The following MTMR7 variants were observed in gnomAD, a reference collection of about 807,000 sequenced individuals.
MTMR7 encodes the protein phosphatidylinositol-3-phosphate phosphatase MTMR7.
MTMR7 carries 76 observed loss-of-function variants against 81.2 expected under a neutral mutation model. The observed-to-expected ratio is 0.94, with a 90% CI of 0.78 to 1.13. The LOEUF is 1.13. Among genes scored for constraint, MTMR7 ranks in the 50% most tolerant of loss-of-function variants. The pLI, the probability that MTMR7 is intolerant of heterozygous loss-of-function variation, is 0.00. For missense variants in MTMR7, 1,044 were observed against 820.0 expected (o/e 1.27, Z -3.34); for synonymous variants, 372 against 289.8 (o/e 1.28, Z -2.88).
At chr8:17,302,043 A>C in intron 13 of MTMR7, 111 bp downstream of exon 13, 1 of 1,430,602 alleles carries the variant, frequency 7.0e-7, no homozygotes, top group Non-Finnish European at 9.6e-7. Context: ...TGTTCTACTG[A>C]CTAAAAATGT....
At chr8:17,338,742 T>C (rs2150539618) in intron 6 of MTMR7, 1 of 147,428 alleles carries the variant, frequency 6.8e-6, no homozygotes, top group African/African-American at 2.5e-5. Context: ...TTTTTTTTTT[T>C]CAGTTTGAAA....
intron 7 of MTMR7, among the ~76,000 whole-genome samples, chr8:17,319,253 G>C (rs947463445): frequency 6.6e-6 from 1 of 152,130 alleles, no homozygotes; most frequent in Non-Finnish European, 1.5e-5. Flanking sequence ...AATATAAAAT[G>C]GGGATAAAAA....
chr8:17,389,179 C>T (rs1821032896), intron 1 of MTMR7, among the ~76,000 whole-genome samples: 1 of 152,188 alleles, frequency 6.6e-6, no homozygotes, highest in Admixed American at 6.5e-5. Flanking sequence ...AACACCTTTC[C>T]TCAACTACCC....
intron 3 of MTMR7, among the ~76,000 whole-genome samples, chr8:17,370,647 C>T (rs946368558): frequency 2.7e-5 from 4 of 150,746 alleles, no homozygotes; most frequent in South Asian, 4.2e-4. Flanking sequence ...GAGAAAACTG[C>T]GCTAGAACTG....
chr8:17,398,982 A>G (rs987328947), intron 1 of MTMR7, among the ~76,000 whole-genome samples: 2 of 152,180 alleles, frequency 1.3e-5, no homozygotes, highest in Non-Finnish European at 2.9e-5. Flanking sequence ...ACATACCTCA[A>G]CATAATAAAA....
intron 6 of MTMR7, among the ~76,000 whole-genome samples, chr8:17,334,580 C>A (rs1457377863): frequency 1.3e-5 from 2 of 152,210 alleles, no homozygotes; most frequent in African/African-American, 2.4e-5. Flanking sequence ...TTGATAATAT[C>A]AGTGTCTTTG....
At chr8:17,402,749 C>G (rs1821465881) in intron 1 of MTMR7, among the ~76,000 whole-genome samples, 1 of 152,148 alleles carries the variant, frequency 6.6e-6, no homozygotes, top group Non-Finnish European at 1.5e-5. Flanking sequence ...CTTGGACATA[C>G]TCATATATAA....
In MTMR7 at chr8:17,311,361, T is replaced by C. The variant is rs80249899; in HGVS notation, c.1101+150A>G. On this transcript the variant is annotated intron_variant, in intron 9 of 13. Coordinates refer to ENST00000180173, the MANE Select transcript of MTMR7 (RefSeq NM_004686.5). ...TCCCCTTTAATCTTGCTGATTAAATTAATCTTGATCTCTTCCCCTTTAATC... is the reference window on the plus strand; with the variant it reads ...TCCCCTTTAATCTTGCTGATTAAATCAATCTTGATCTCTTCCCCTTTAATC... 92 of 1,032,664 alleles carry C rather than the reference T, an allele frequency of 8.9e-5. No individual in the cohort carries two copies. The East Asian group carries it at 2.1e-3, about 24-fold the overall frequency. 64.0% of individuals were successfully genotyped at this position (1,032,664 alleles called of 1,614,324 possible). A position where few individuals can be genotyped will look rare whatever the true frequency, so the allele number is the denominator to read the frequency against.
intron 1 of MTMR7, among the ~76,000 whole-genome samples, chr8:17,407,356 T>C (rs995970847): frequency 1.3e-5 from 2 of 152,154 alleles, no homozygotes; most frequent in Non-Finnish European, 2.9e-5. Context: ...TGGAATGGTA[T>C]AGTAAGAAAC....
At chr8:17,398,600 A>C (rs1821327983) in intron 1 of MTMR7, among the ~76,000 whole-genome samples, 1 of 152,210 alleles carries the variant, frequency 6.6e-6, no homozygotes, top group African/African-American at 2.4e-5. Context: ...CTGGCCTTAA[A>C]GAGGAGGTAG....
chr8:17,390,959 T>A (rs1821088825), intron 1 of MTMR7, among the ~76,000 whole-genome samples: 1 of 152,208 alleles, frequency 6.6e-6, no homozygotes, highest in Admixed American at 6.5e-5. Flanking sequence ...CCAGACCATA[T>A]CAGGTGCCCA....
At chr8:17,310,198 G>A (rs946382470) in intron 9 of MTMR7, among the ~76,000 whole-genome samples, 4 of 151,670 alleles carry the variant, frequency 2.6e-5, no homozygotes, top group African/African-American at 7.3e-5. Flanking sequence ...ACGAGGTCTC[G>A]CCATGTTGCC....
At chr8:17,306,532 G>A (rs1200297483) in intron 10 of MTMR7, among the ~76,000 whole-genome samples, 1 of 152,102 alleles carries the variant, frequency 6.6e-6, no homozygotes, top group African/African-American at 2.4e-5. Context: ...TGCTTTTCAA[G>A]AGCACATCAG....
intron 10 of MTMR7, among the ~76,000 whole-genome samples, chr8:17,306,825 G>A (rs548565893): frequency 2.0e-4 from 30 of 152,194 alleles, no homozygotes; most frequent in Non-Finnish European, 4.0e-4. Context: ...GTGTTACCTA[G>A]GCTAGCCATA....
intron 7 of MTMR7, among the ~76,000 whole-genome samples, chr8:17,321,776 T>G (rs1818399875): frequency 6.6e-6 from 1 of 152,186 alleles, no homozygotes; most frequent in Non-Finnish European, 1.5e-5. Context: ...GGCTTACTAA[T>G]CCTGAGTTTC....
In MTMR7 at chr8:17,361,195, G is replaced by C. The variant is rs376356361; in HGVS notation, c.390C>G (p.Ile130Met). ...KEEREQGWVL[I>M]DLSEEYTRMG... ...TCCGCGTGTATTCTTCACTAAGATC[G>C]ATCAGCACCCAGCCTTGCTCTCTTT... The change falls in exon 4 of 14, where the codon ATC becomes ATG. Residue 130 changes from isoleucine to methionine, a missense_variant. Physicochemically the swap from Ile to Met is conservative, Grantham distance 10 (BLOSUM62 1). Transcript: ENST00000180173. The C allele has an allele frequency of 6.2e-7, 1 of 1,614,072 alleles. No homozygotes were observed. Among genetic ancestry groups the C allele is most frequent in the Admixed American group, 1.7e-5 (1 of 60,002 alleles).
intron 7 of MTMR7, among the ~76,000 whole-genome samples, chr8:17,328,567 C>T (rs2157636): frequency 0.28 from 40,833 of 144,056 alleles, 6,097 homozygotes; most frequent in South Asian, 0.55. Flanking sequence ...GGCCTGTTGG[C>T]GGGGGTGGGG....
At chr8:17,378,993 G>C (rs375779781) in intron 1 of MTMR7, among the ~76,000 whole-genome samples, 1 of 152,184 alleles carries the variant, frequency 6.6e-6, no homozygotes, top group Non-Finnish European at 1.5e-5. Flanking sequence ...AATGTTTAAA[G>C]GTCTACATGA....
At chr8:17,359,403 G>A (rs747769960) in intron 4 of MTMR7, among the ~76,000 whole-genome samples, 1 of 151,892 alleles carries the variant, frequency 6.6e-6, no homozygotes, top group Admixed American at 6.6e-5. Flanking sequence ...TTCGAGACCA[G>A]CCTGAGCAAC....
Sources: allele counts gnomAD v4.1 joint callset (sites outside exome capture counted in the v4.1 genomes callset), GRCh38; gene constraint gnomAD v4.1.1; transcripts MANE v1.5; gene names NCBI Gene and HGNC (gene_info 2026-07-23, HGNC 2026-07-21).